Variants in SHROOM2 observed in about 807,000 individuals in gnomAD.
The protein encoded by SHROOM2 is shroom family member 2.
SHROOM2 carries 33 observed loss-of-function variants against 75.9 expected under a neutral mutation model. The ratio of observed to expected loss-of-function variants is 0.43; its 90% CI spans 0.33 to 0.58. The LOEUF is 0.58. Ranked by LOEUF, SHROOM2 falls within the 20% of genes least tolerant of loss-of-function variation. SHROOM2 has a pLI of 0.04. For missense variants in SHROOM2, 1,434 were observed against 1,461.2 expected (o/e 0.98, Z 0.30); for synonymous variants, 655 against 663.6 (o/e 0.99, Z 0.20).
chrX:9,914,939 T>C (rs1386082694), intron 5 of SHROOM2, among the ~76,000 whole-genome samples: 1 of 111,220 alleles, frequency 9.0e-6, no homozygotes, highest in Admixed American at 9.6e-5. Flanking sequence ...CCTTATCCAG[T>C]TTGCTGCCAG....
rs563203840 is a variant in SHROOM2 at position 9,825,527 on chromosome X, C to T, written c.165+38817C>T. ...AGAAAGTGACATTGTAACTTCCCCTCCTCTTCGCATGTTTACATCCACACT... is the reference window on the plus strand; with the variant it reads ...AGAAAGTGACATTGTAACTTCCCCTTCTCTTCGCATGTTTACATCCACACT... On this transcript the variant is annotated intron_variant, in intron 1 of 9. Transcript: ENST00000380913. Among the ~76,000 whole-genome samples the T allele has an allele frequency of 1.1e-4, 12 of 112,458 alleles. No homozygotes were observed. In the South Asian group the frequency reaches 4.1e-3, roughly 38 times the overall value.
intron 1 of SHROOM2, among the ~76,000 whole-genome samples, chrX:9,837,037 G>A (rs1023209627): frequency 8.9e-6 from 1 of 112,435 alleles, no homozygotes; most frequent in East Asian, 2.8e-4. Flanking sequence ...CATTGCAGGT[G>A]GTATCGGTAC....
In SHROOM2 at chrX:9,898,267, C is replaced by T. The variant is rs1469379696; in HGVS notation, c.2868C>T (p.Ala956=). Residue 956 remains alanine, a synonymous_variant, in exon 5 of 10, where the codon GCC becomes GCT. Coordinates refer to ENST00000380913, the MANE Select transcript of SHROOM2 (RefSeq NM_001649.4). ...AAGAGCTTCCCTCCGCAGTCCGGGC[C>T]GAGGAGGGACAGTCCACGCCGAGGT... ...PREELPSAVR[A]EEGQSTPRQA... The T allele has an allele frequency of 8.5e-6, 10 of 1,177,087 alleles. 1 individual carries two copies. The South Asian group carries it at 9.4e-5, about 11-fold the overall frequency.
intron 1 of SHROOM2, among the ~76,000 whole-genome samples, chrX:9,835,361 G>A (rs183600047): frequency 1.9e-4 from 21 of 111,804 alleles, no homozygotes; most frequent in Non-Finnish European, 3.4e-4. Flanking sequence ...TTAATGTTTC[G>A]AGCCTTGCTG....
At chrX:9,944,387 G>A (rs1010875265) in intron 8 of SHROOM2, among the ~76,000 whole-genome samples, 8 of 111,986 alleles carry the variant, frequency 7.1e-5, no homozygotes, top group African/African-American at 9.7e-5. Context: ...CAACTCCGAC[G>A]TTCTCTAATA....
At chrX:9,917,573 T>C (rs868457028) in intron 5 of SHROOM2, among the ~76,000 whole-genome samples, 3 of 111,328 alleles carry the variant, frequency 2.7e-5, no homozygotes, top group Admixed American at 9.6e-5. Flanking sequence ...CAGGCTGGAG[T>C]GCAGTGCCGC....
chrX:9,907,126 G>A (rs1462045177), intron 5 of SHROOM2, among the ~76,000 whole-genome samples: 1 of 111,243 alleles, frequency 9.0e-6, no homozygotes, highest in Admixed American at 9.5e-5. Context: ...ATTCCTTCCT[G>A]CCCTGCCCTA....
At chrX:9,882,568 G>T (rs1224375759) in intron 2 of SHROOM2, among the ~76,000 whole-genome samples, 1 of 111,661 alleles carries the variant, frequency 9.0e-6, no homozygotes, top group African/African-American at 3.3e-5. Flanking sequence ...GGAAAAACAA[G>T]TCATTCGGGT....
At chrX:9,820,621 T>C (rs1291952290) in intron 1 of SHROOM2, among the ~76,000 whole-genome samples, 1 of 112,256 alleles carries the variant, frequency 8.9e-6, no homozygotes, top group African/African-American at 3.2e-5. Context: ...TGCCTTGGTC[T>C]CCCAAATTGC....
intron 1 of SHROOM2, among the ~76,000 whole-genome samples, chrX:9,808,584 G>A (rs941145782): frequency 8.2e-5 from 9 of 110,145 alleles, no homozygotes; most frequent in Non-Finnish European, 1.3e-4. Flanking sequence ...TATAATGGTT[G>A]GGCGCAGTGG....
rs368395448 is a variant in SHROOM2 at position 9,860,376 on chromosome X, G to A, written c.166-13276G>A. 2.1e-4 allele frequency among the ~76,000 whole-genome samples: 24 copies of A among 111,878 alleles called. No individual in the cohort carries two copies. The East Asian group carries it at 2.8e-3, about 13-fold the overall frequency. ...TGCACATTCTTCTGTGGGTCTTGTG[G>A]TTAACATACATGCACATCACTGAGT... On this transcript the variant is annotated intron_variant, in intron 1 of 9. Transcript: ENST00000380913.
At chrX:9,905,799 G>A (rs768197937) in intron 5 of SHROOM2, among the ~76,000 whole-genome samples, 3 of 112,296 alleles carry the variant, frequency 2.7e-5, no homozygotes, top group African/African-American at 9.7e-5. Context: ...TTCCCTTGGT[G>A]GAAGTAAAGA....
intron 2 of SHROOM2, among the ~76,000 whole-genome samples, chrX:9,889,597 C>A (rs750242153): frequency 3.6e-5 from 4 of 112,233 alleles, no homozygotes; most frequent in Non-Finnish European, 7.5e-5. Flanking sequence ...CACCTCATCA[C>A]ATCTGGGCAG....
chrX:9,876,292 C>G (rs2084200588), intron 2 of SHROOM2, among the ~76,000 whole-genome samples: 1 of 112,150 alleles, frequency 8.9e-6, no homozygotes, highest in African/African-American at 3.2e-5. Flanking sequence ...TTCCTCTGCT[C>G]TCACACAACA....
chrX:9,834,884 C>T (rs1309386339), intron 1 of SHROOM2, among the ~76,000 whole-genome samples: 2 of 111,099 alleles, frequency 1.8e-5, no homozygotes, highest in African/African-American at 6.6e-5. Flanking sequence ...GGTGCAGAGC[C>T]CATGGTTTAG....
chrX:9,837,880 G>A (rs1373171264), intron 1 of SHROOM2, among the ~76,000 whole-genome samples: 1 of 110,723 alleles, frequency 9.0e-6, no homozygotes, highest in African/African-American at 3.3e-5. Flanking sequence ...CTAGGGCACT[G>A]CAGCCTCAGA....
At chrX:9,888,280 G>A (rs967428416) in intron 2 of SHROOM2, among the ~76,000 whole-genome samples, 3 of 111,912 alleles carry the variant, frequency 2.7e-5, no homozygotes, top group Non-Finnish European at 5.6e-5. Flanking sequence ...GGCCATACGT[G>A]CAAATGACTT....
intron 2 of SHROOM2, among the ~76,000 whole-genome samples, chrX:9,888,590 C>G (rs945153292): frequency 9.0e-6 from 1 of 110,937 alleles, no homozygotes; most frequent in Non-Finnish European, 1.9e-5. Context: ...ACCACAGATG[C>G]GCGCCACCAC....
chrX:9,793,291 T>G (rs1173074134), intron 1 of SHROOM2, among the ~76,000 whole-genome samples: 1 of 110,052 alleles, frequency 9.1e-6, no homozygotes, highest in South Asian at 3.9e-4. Flanking sequence ...GTAGCCTTTT[T>G]TCCACTCTTT....
Sources: gnomAD v4.1 joint callset for allele counts (sites outside exome capture counted in the v4.1 genomes callset) on GRCh38, gnomAD v4.1.1 for gene constraint, MANE v1.5 for transcripts, NCBI Gene and HGNC (gene_info 2026-07-23, HGNC 2026-07-21) for gene names.